SOX5: variants seen among roughly 807,000 people sequenced by gnomAD.
SOX5 encodes the protein transcription factor SOX-5.
In SOX5, 9 loss-of-function variants were observed where a neutral mutation model predicts 92.0. That is an observed-to-expected ratio of 0.10 (90% confidence interval 0.06 to 0.17). The LOEUF is 0.17. Ranked by LOEUF, SOX5 falls within the 10% of genes least tolerant of loss-of-function variation. The probability of loss-of-function intolerance (pLI) is 1.00; values close to 1 mark genes in which losing one functional copy is unlikely to be tolerated. For missense variants in SOX5, 642 were observed against 944.5 expected, an observed-to-expected ratio of 0.68 and a Z score of 4.20; for synonymous variants, 344 against 336.3, an observed-to-expected ratio of 1.02 and a Z score of -0.25.
At chr12:24,117,936 T>G (rs189854033) in intron 4 of SOX5, among the ~76,000 whole-genome samples, 375 of 150,514 alleles carry the variant, frequency 2.5e-3, no homozygotes, top group Non-Finnish European at 4.3e-3. Flanking sequence ...GGAGAATTGC[T>G]TGAACCTGGG....
chr12:24,421,186 T>C (rs1965853135), intron 1 of SOX5, among the ~76,000 whole-genome samples: 1 of 152,204 alleles, frequency 6.6e-6, no homozygotes, highest in Admixed American at 6.5e-5. Flanking sequence ...ATTAGCATGG[T>C]ATACATGGAG....
chr12:24,545,201 T>C (rs984589996), intron 1 of SOX5, among the ~76,000 whole-genome samples: 3 of 152,030 alleles, frequency 2.0e-5, no homozygotes, highest in Non-Finnish European at 4.4e-5. Flanking sequence ...CAACAAGCTG[T>C]CCTACCTCCA....
chr12:23,800,807 A>G (rs1213160286), intron 3 of SOX5, among the ~76,000 whole-genome samples: 1 of 152,196 alleles, frequency 6.6e-6, no homozygotes, highest in Admixed American at 6.5e-5. Context: ...AAATTCCATT[A>G]ACAACACCAT....
intron 4 of SOX5, among the ~76,000 whole-genome samples, chr12:24,176,371 T>C (rs1261325050): frequency 6.6e-6 from 1 of 151,966 alleles, no homozygotes; most frequent in Non-Finnish European, 1.5e-5. Flanking sequence ...AATTCAAAGA[T>C]AAAAATGTCG....
At chr12:24,374,950 C>A (rs1238081141) in intron 1 of SOX5, among the ~76,000 whole-genome samples, 1 of 152,046 alleles carries the variant, frequency 6.6e-6, no homozygotes, top group Non-Finnish European at 1.5e-5. Context: ...AGGGTTGGCA[C>A]CTGAGAGTGG....
At position 24,059,637 on chromosome 12, in the gene SOX5, A is replaced by G. The variant is rs1049577325; in HGVS notation, c.-2+153706T>C. 5.9e-5 allele frequency among the ~76,000 whole-genome samples: 9 copies of G among 152,244 alleles called. No individual in the cohort carries two copies. In the South Asian group the frequency reaches 1.9e-3, roughly 32 times the overall value. ...TGTTGCCCCCTCCCATAGGAAGCCCATATCTGACCCCCTGCCCCAACCTCA... is the reference window on the plus strand; with the variant it reads ...TGTTGCCCCCTCCCATAGGAAGCCCGTATCTGACCCCCTGCCCCAACCTCA... On this transcript the variant is annotated intron_variant, in intron 4 of 4. Transcript: ENST00000446891.
rs994705433 is a variant in SOX5 at position 23,704,916 on chromosome 12, C to T, written c.810+29768G>A. Among the ~76,000 whole-genome samples, 9 of 151,000 alleles carry T rather than the reference C, an allele frequency of 6.0e-5. No homozygotes were observed. The Admixed American group carries it at 6.0e-4, about 10-fold the overall frequency. ...GTATTTTCATAATCATGAATTATTTCATCCAATATTATTCTAAAATTGTAT... is the reference window on the plus strand; with the variant it reads ...GTATTTTCATAATCATGAATTATTTTATCCAATATTATTCTAAAATTGTAT... On this transcript the variant is annotated intron_variant, in intron 6 of 14. Coordinates refer to ENST00000451604, the MANE Select transcript of SOX5 (RefSeq NM_006940.6).
chr12:24,212,254 T>C (rs1958700286), intron 4 of SOX5, among the ~76,000 whole-genome samples: 1 of 152,218 alleles, frequency 6.6e-6, no homozygotes, highest in African/African-American at 2.4e-5. Context: ...CAATCCCTAA[T>C]GTCCTAATGT....
intron 2 of SOX5, among the ~76,000 whole-genome samples, chr12:23,882,217 T>A (rs879831265): frequency 6.6e-6 from 1 of 152,098 alleles, no homozygotes; most frequent in Non-Finnish European, 1.5e-5. Context: ...TTTAAGCCCC[T>A]CTTGCTGGTA....
At chr12:23,743,893 G>A (rs2093891436) in intron 4 of SOX5, among the ~76,000 whole-genome samples, 1 of 152,164 alleles carries the variant, frequency 6.6e-6, no homozygotes, top group Non-Finnish European at 1.5e-5. Flanking sequence ...ATTTGGTGAT[G>A]AGAATTAACA....
intron 3 of SOX5, among the ~76,000 whole-genome samples, chr12:23,766,379 T>A (rs576276807): frequency 6.6e-6 from 1 of 152,274 alleles, no homozygotes; most frequent in South Asian, 2.1e-4. Flanking sequence ...ATCAAGAGCA[T>A]AATAGAATTG....
At chr12:23,682,211 A>C (rs1433462273) in intron 6 of SOX5, among the ~76,000 whole-genome samples, 1 of 151,844 alleles carries the variant, frequency 6.6e-6, no homozygotes, top group Non-Finnish European at 1.5e-5. Context: ...GATTTCAGAG[A>C]TTTAGTGCTG....
chr12:23,757,345 A>T (rs118190352), intron 3 of SOX5, among the ~76,000 whole-genome samples: 1 of 151,928 alleles, frequency 6.6e-6, no homozygotes, highest in Non-Finnish European at 1.5e-5. Flanking sequence ...AAATATCCCA[A>T]TTTCTATATG....
chr12:23,537,044 C>A (rs969260574), intron 13 of SOX5, among the ~76,000 whole-genome samples: 1 of 151,978 alleles, frequency 6.6e-6, no homozygotes, highest in Non-Finnish European at 1.5e-5. Flanking sequence ...GACTAATTAT[C>A]TAGTTATTGA....
intron 1 of SOX5, among the ~76,000 whole-genome samples, chr12:23,940,361 G>C (rs1022065722): frequency 4.0e-5 from 6 of 151,130 alleles, no homozygotes; most frequent in Admixed American, 2.6e-4. Flanking sequence ...CCTGTGTAAT[G>C]ATACCTAATT....
At chr12:23,912,608 G>GA (rs892353814) in intron 1 of SOX5, among the ~76,000 whole-genome samples, 5 of 151,956 alleles carry the variant, frequency 3.3e-5, no homozygotes, top group African/African-American at 7.2e-5. Flanking sequence ...AATGATGAAT[G>GA]AAAAAACAAT....
intron 1 of SOX5, among the ~76,000 whole-genome samples, chr12:24,467,422 G>A (rs1035593916): frequency 6.6e-6 from 1 of 152,166 alleles, no homozygotes; most frequent in Admixed American, 6.5e-5. Context: ...AAAATATGTT[G>A]CTTAAGGTGA....
chr12:23,623,951 G>A (rs930721092), intron 8 of SOX5, among the ~76,000 whole-genome samples: 1 of 152,096 alleles, frequency 6.6e-6, no homozygotes, highest in Non-Finnish European at 1.5e-5. Flanking sequence ...TCCATAGATG[G>A]AGGAATCAAT....
intron 4 of SOX5, among the ~76,000 whole-genome samples, chr12:24,099,313 G>T (rs1945796536): frequency 6.6e-6 from 1 of 152,132 alleles, no homozygotes; most frequent in Non-Finnish European, 1.5e-5. Context: ...ATAGAAACTT[G>T]CATGCAGGAA....
Sources: gnomAD v4.1 joint callset for allele counts (sites outside exome capture counted in the v4.1 genomes callset) on GRCh38, gnomAD v4.1.1 for gene constraint, MANE v1.5 for transcripts, NCBI Gene and HGNC (gene_info 2026-07-23, HGNC 2026-07-21) for gene names.